Variants in BDP1 observed in about 807,000 individuals in gnomAD.
BDP1 encodes BDP1 general transcription factor IIIB subunit.
Under a neutral mutation model 266.6 loss-of-function variants are expected in BDP1, and 169 were observed. That is an observed-to-expected ratio of 0.63 (90% CI 0.56 to 0.72). BDP1 has a LOEUF of 0.72. Ranked by LOEUF, BDP1 falls within the 30% of genes least tolerant of loss-of-function variation. The pLI is 0.00. For missense variants in BDP1, 3,015 were observed against 3,053.8 expected (o/e 0.99, Z 0.30); for synonymous variants, 1,090 against 1,022.4 (o/e 1.07, Z -1.26).
chr5:71,470,697 C>T (rs1294933198), intron 7 of BDP1, among the ~76,000 whole-genome samples: 1 of 151,536 alleles, frequency 6.6e-6, no homozygotes. Flanking sequence ...AAGCAATTCT[C>T]ATGCCTCAGC....
intron 13 of BDP1, among the ~76,000 whole-genome samples, chr5:71,500,306 A>G (rs1764148713): frequency 7.2e-6 from 1 of 138,464 alleles, no homozygotes; most frequent in Non-Finnish European, 1.5e-5. Context: ...GAAGTGTTGT[A>G]ATCTTGTTTC....
At position 71,458,665 on chromosome 5, in the gene BDP1, G is replaced by A; in HGVS notation, c.299G>A (p.Ser100Asn). The change falls in exon 2 of 39, where the codon AGT (serine) becomes AAT (asparagine). Residue 100 changes from serine to asparagine, a missense_variant. This residue lies in a region of BDP1 where 2,383 missense variants were observed against 2,404.9 expected (regional missense o/e 0.99). Transcript: ENST00000358731. ...TCACAGAGAAGAAAGCGAATATCAA[G>A]TACTTCTAGCCTGGTTAAGTCTAGT... ...TVSQRRKRIS[S>N]TSSLVKSSVS... is the part of the protein sequence containing the mutation. 1 of 1,613,924 alleles carries A rather than the reference G, an allele frequency of 6.2e-7. No homozygotes were observed. Among genetic ancestry groups the A allele is most frequent in the African/African-American group, 1.3e-5 (1 of 75,042 alleles).
intron 19 of BDP1, 116 bp downstream of exon 19, chr5:71,513,523 C>T: frequency 4.3e-6 from 3 of 699,756 alleles, no homozygotes; most frequent in Admixed American, 5.1e-5. Flanking sequence ...GTAATTTTTG[C>T]TGCATGTGAT....
At chr5:71,505,277 G>A (rs1764517323) in intron 16 of BDP1, among the ~76,000 whole-genome samples, 1 of 152,104 alleles carries the variant, frequency 6.6e-6, no homozygotes, top group Non-Finnish European at 1.5e-5. Flanking sequence ...AAAGTGGTGG[G>A]ATTACAGGTG....
At chr5:71,576,562 C>T in the BDP1 span, among the ~76,000 whole-genome samples, 1 of 152,204 alleles carries the variant, frequency 6.6e-6, no homozygotes, top group South Asian at 2.1e-4. Context: ...GGATTCCCTT[C>T]AATAGTTCCT....
rs142392164 is a variant in BDP1 at position 71,509,624 on chromosome 5, G to A, written c.2532G>A (p.Ala844=). The change falls in exon 17 of 39, where the codon GCG becomes GCA. Residue 844 remains alanine, a synonymous_variant. Coordinates refer to ENST00000358731, the MANE Select transcript of BDP1 (RefSeq NM_018429.3). The stretch of plus-strand genomic sequence containing the variant: ...AGATTCTTGTCTCTGGGGAAATGGC[G>A]GCAGCATTGAGAGAAACTGTAAGAC... ...LEKILVSGEM[A]AALRETVRLD... is the part of the protein sequence containing the mutation. The A allele has an allele frequency of 1.1e-5, 17 of 1,613,566 alleles. No individual in the cohort carries two copies. Among genetic ancestry groups the A allele is most frequent in the African/African-American group, 1.3e-5 (1 of 74,976 alleles).
At chr5:71,538,973 G>A (rs1766796977) in intron 26 of BDP1, 69 bp from the exon 27 acceptor site, 3 of 1,006,218 alleles carry the variant, frequency 3.0e-6, no homozygotes. Flanking sequence ...TGAAAATGTA[G>A]TGCATGCTGA....
rs199614696 is a variant in BDP1 at position 71,545,203 on chromosome 5, C to T, written c.6728C>T (p.Thr2243Ile). The change falls in exon 32 of 39, where the codon ACA becomes ATA. Residue 2243 changes from threonine (T) to isoleucine (I), a missense_variant. Transcript: ENST00000358731. ...GACTCTAAAGGAGACAGTGTGCTTA[C>T]ACTTCCTGTGCCAGAGGTAAAAGAA... is the stretch of plus-strand genomic sequence containing the variant. ...IKDSKGDSVLTLPVPEYTPTS... is the reference protein window; with the variant it reads ...IKDSKGDSVLILPVPEYTPTS... 13 of 1,613,148 alleles carry T rather than the reference C, an allele frequency of 8.1e-6. No individual in the cohort carries two copies. Among genetic ancestry groups the T allele is most frequent in the Middle Eastern group, 1.7e-4 (1 of 6,060 alleles).
chr5:71,491,880 G>A (rs1255037599), intron 11 of BDP1, among the ~76,000 whole-genome samples: 1 of 152,124 alleles, frequency 6.6e-6, no homozygotes, highest in Non-Finnish European at 1.5e-5. Context: ...ACCATACCTG[G>A]ATAATTTCTT....
At chr5:71,486,274 C>T (rs555080417) in intron 8 of BDP1, among the ~76,000 whole-genome samples, 2 of 151,894 alleles carry the variant, frequency 1.3e-5, no homozygotes, top group African/African-American at 2.4e-5. Flanking sequence ...TTATTTGTTT[C>T]GTTGCTGAGT....
intron 13 of BDP1, among the ~76,000 whole-genome samples, chr5:71,498,096 G>T (rs1764002117): frequency 6.6e-6 from 1 of 151,726 alleles, no homozygotes; most frequent in Non-Finnish European, 1.5e-5. Flanking sequence ...GACTGCAGGT[G>T]CCCACCACCA....
chr5:71,519,993 T>C (rs1408527593), intron 22 of BDP1, among the ~76,000 whole-genome samples: 1 of 152,210 alleles, frequency 6.6e-6, no homozygotes, highest in Non-Finnish European at 1.5e-5. Context: ...TTTGTCTTTT[T>C]AACAGTAGCC....
At chr5:71,480,424 G>T (rs533440121) in intron 7 of BDP1, among the ~76,000 whole-genome samples, 11 of 151,166 alleles carry the variant, frequency 7.3e-5, no homozygotes, top group African/African-American at 2.7e-4. Context: ...GTGAGCCACC[G>T]TGCCCAGCCT....
rs767284001 is a variant in BDP1, at chr5:71,516,188, G to T, written c.4777G>T (p.Asp1593Tyr). ...AAAGACAGGACAGAGGCAAATAGTA[G>T]ACAAAGGTGAAGCCAAAGGCATAAT... is the stretch of plus-strand genomic sequence containing the variant. The part of the protein sequence containing the change: ...IRKTGQRQIV[D>Y]KGEAKGIIKE... Residue 1593 changes from aspartate to tyrosine, a missense_variant, in exon 21 of 39, where the codon GAC (aspartate) becomes TAC (tyrosine). This residue lies in a region of BDP1 where 2,383 missense variants were observed against 2,404.9 expected (regional missense o/e 0.99). Coordinates refer to ENST00000358731, the MANE Select transcript of BDP1 (RefSeq NM_018429.3). 1.9e-6 allele frequency: 3 copies of T among 1,613,486 alleles called. No individual in the cohort carries two copies. Among genetic ancestry groups the T allele is most frequent in the Non-Finnish European group, 1.7e-6 (2 of 1,179,672 alleles).
Position 71,510,751 on chromosome 5 carries a change from T to G in BDP1, c.3659T>G (p.Val1220Gly), listed in dbSNP as rs1199593012. ...QENGPEEVKP[V>G]GKMETDLKEI... ...AATGGCCCAGAGGAGGTCAAGCCTGTAGGTAAAATGGAGACAGATTTGAAA... is the reference window on the plus strand; with the variant it reads ...AATGGCCCAGAGGAGGTCAAGCCTGGAGGTAAAATGGAGACAGATTTGAAA... The change falls in exon 17 of 39, where the codon GTA (valine) becomes GGA (glycine). Residue 1220 changes from valine to glycine, a missense_variant. Coordinates refer to ENST00000358731, the MANE Select transcript of BDP1 (RefSeq NM_018429.3). 3.1e-6 allele frequency: 5 copies of G among 1,613,972 alleles called. No individual in the cohort carries two copies. The South Asian group carries it at 5.5e-5, about 18-fold the overall frequency.
chr5:71,516,286 T>C lies in BDP1; in HGVS notation c.4860+15T>C, dbSNP rs778364714. 1.4e-5 allele frequency: 23 copies of C among 1,594,060 alleles called. No individual in the cohort carries two copies. The highest frequency in any genetic ancestry group is 2.3e-5 in the East Asian group (1 of 44,070). ...TCTTAACTGTGGTGAGTTATTGTTA[T>C]GTAATTAAATTTAGCCTTTTAATGC... On this transcript the variant is annotated intron_variant, in intron 21 of 38. Transcript: ENST00000358731.
intron 5 of BDP1, 88 bp from the exon 6 acceptor site, chr5:71,467,266 A>G: frequency 8.8e-7 from 1 of 1,141,040 alleles, no homozygotes; most frequent in South Asian, 1.5e-5. Flanking sequence ...TTGCCATGCT[A>G]AACCTCAAAA....
At chr5:71,542,827 G>T (rs1251035294) in intron 30 of BDP1, among the ~76,000 whole-genome samples, 2 of 151,806 alleles carry the variant, frequency 1.3e-5, no homozygotes, top group Non-Finnish European at 2.9e-5. Flanking sequence ...TTTTATTTGT[G>T]TTATATACTG....
chr5:71,483,779 C>A, intron 7 of BDP1, 63 bp from the exon 8 acceptor site: 1 of 1,199,474 alleles, frequency 8.3e-7, no homozygotes, highest in African/African-American at 1.5e-5. Flanking sequence ...ATGCTTACTG[C>A]ATTTAAAAAA....
Sources: gnomAD v4.1 joint callset for allele counts (sites outside exome capture counted in the v4.1 genomes callset) on GRCh38, gnomAD v4.1.1 for gene constraint, gnomAD v4.1.1 regional missense constraint, MANE v1.5 for transcripts, NCBI Gene and HGNC (gene_info 2026-07-23, HGNC 2026-07-21) for gene names.